Variants in SLC6A4 observed in about 807,000 individuals in gnomAD.
SLC6A4 encodes the protein solute carrier family 6 member 4.
In SLC6A4, 22 loss-of-function variants were observed where a neutral mutation model predicts 73.4. The observed-to-expected ratio is 0.30, with a 90% CI of 0.21 to 0.43. SLC6A4 has a LOEUF of 0.43. Among genes scored for constraint, SLC6A4 ranks in the 20% least tolerant of loss-of-function variants. The pLI is 1.00. For missense variants in SLC6A4, 593 were observed against 808.5 expected (o/e 0.73, Z 3.23); for synonymous variants, 270 against 315.5 (o/e 0.86, Z 1.53).
intron 12 of SLC6A4, 57 bp from the exon 13 acceptor site, chr17:30,207,889 G>A: frequency 1.6e-6 from 2 of 1,263,468 alleles, no homozygotes; most frequent in East Asian, 2.4e-5. Flanking sequence ...GGGCTGTGCT[G>A]CTGTGCCCTG....
At chr17:30,230,748 G>C (rs1907087375) in intron 1 of SLC6A4, among the ~76,000 whole-genome samples, 1 of 152,178 alleles carries the variant, frequency 6.6e-6, no homozygotes, top group Non-Finnish European at 1.5e-5. Context: ...GTGAGGTCAG[G>C]TGAGGTGAGG....
At chr17:30,209,287 AC>A in intron 11 of SLC6A4, 45 bp from the exon 12 acceptor site, 1 of 1,182,030 alleles carries the variant, frequency 8.5e-7, no homozygotes. Context: ...CCAAGGAGCC[AC>A]CCCTCCCAAC....
chr17:30,211,837 T>A lies in SLC6A4; in HGVS notation c.1205-413A>T, dbSNP rs549435507. ...TCTTCAGCTTCAGAACAGTAGGAAA[T>A]GTTAAATTGATTTCCGTAGAGTCAC... On this transcript the variant is annotated intron_variant, in intron 9 of 14. Coordinates refer to ENST00000650711, the MANE Select transcript of SLC6A4 (RefSeq NM_001045.6). This position sits in a 1 kb window ranked among gnomAD's most constrained non-coding sequence, Gnocchi z 4.0. Among the ~76,000 whole-genome samples the A allele has an allele frequency of 6.6e-6, 1 of 152,172 alleles. No individual in the cohort carries two copies. Among genetic ancestry groups the A allele is most frequent in the Non-Finnish European group, 1.5e-5 (1 of 68,026 alleles).
intron 7 of SLC6A4, 54 bp downstream of exon 7, chr17:30,216,027 CA>C: frequency 6.5e-7 from 1 of 1,536,190 alleles, no homozygotes; most frequent in Non-Finnish European, 8.9e-7. Flanking sequence ...GGAGGAGGAC[CA>C]GCTTCGTTTA....
At chr17:30,218,021 G>T in intron 5 of SLC6A4, 97 bp downstream of exon 5, 1 of 890,514 alleles carries the variant, frequency 1.1e-6, no homozygotes, top group Non-Finnish European at 1.8e-6. Flanking sequence ...TCAGAAAGGG[G>T]TGAGGAGCCC....
chr17:30,217,283 G>C lies in SLC6A4; in HGVS notation c.720C>G (p.His240Gln). The C allele has an allele frequency of 6.2e-7, 1 of 1,614,080 alleles. No homozygotes were observed. The highest frequency in any genetic ancestry group is 8.5e-7 in the Non-Finnish European group (1 of 1,179,988). ...EFYTRHVLQI[H>Q]RSKGLQDLGG... is the part of the protein sequence containing the mutation. The stretch of plus-strand genomic sequence containing the variant: ...CCAGGTCCTGGAGCCCCTTAGACCG[G>C]TGGATCTGCAGGACGTGGCGCCTGG... The change falls in exon 6 of 15, where the codon CAC becomes CAG. Residue 240 changes from histidine (H) to glutamine (Q), a missense_variant. Transcript: ENST00000650711.
intron 13 of SLC6A4, chr17:30,206,430 A>T (rs1906200863): frequency 6.6e-6 from 1 of 152,180 alleles, no homozygotes; most frequent in South Asian, 2.1e-4. Context: ...TATTGAACAC[A>T]TCTCAACACG....
chr17:30,215,023 T>TTTTC (rs779810850), intron 8 of SLC6A4, among the ~76,000 whole-genome samples: 158 of 29,430 alleles, frequency 5.4e-3, no homozygotes, highest in African/African-American at 0.012. Context: ...TTTCTTTCTT[T>TTTTC]TTTCTTTCTT....
At chr17:30,207,652 C>T in intron 13 of SLC6A4, 80 bp downstream of exon 13, 1 of 967,856 alleles carries the variant, frequency 1.0e-6, no homozygotes, top group South Asian at 1.4e-5. Flanking sequence ...CCACCGTGCC[C>T]AGCCATTACA....
Position 30,198,369 on chromosome 17 carries a change from A to C in SLC6A4, c.*87T>G, listed in dbSNP as rs1301176131. 2.6e-6 allele frequency: 2 copies of C among 755,462 alleles called. No homozygotes were observed. Among genetic ancestry groups the C allele is most frequent in the Non-Finnish European group, 4.6e-6 (2 of 435,652 alleles). 46.8% of individuals were successfully genotyped at this position (755,462 alleles called of 1,614,324 possible). A position where few individuals can be genotyped will look rare whatever the true frequency, so the allele number is the denominator to read the frequency against. On this transcript the variant is annotated 3_prime_UTR_variant, in exon 15 of 15. Coordinates refer to ENST00000650711, the MANE Select transcript of SLC6A4 (RefSeq NM_001045.6). ...CATCATCAGGCTTAGCTGGAAACTC[A>C]TTCACTTGGAGGGGAGAAGGCAGGC...
rs563307427 is a variant in SLC6A4 at position 30,225,863 on chromosome 17, C to G, written c.-220-2948G>C. ...CTAATGCACTCCATTCCCCCAATCCCTGACTCCAAGTAAAAAAGGACTGTT... is the reference window on the plus strand; with the variant it reads ...CTAATGCACTCCATTCCCCCAATCCGTGACTCCAAGTAAAAAAGGACTGTT... On this transcript the variant is annotated intron_variant, in intron 1 of 14. Coordinates refer to ENST00000650711, the MANE Select transcript of SLC6A4 (RefSeq NM_001045.6). 4.6e-5 allele frequency among the ~76,000 whole-genome samples: 7 copies of G among 152,348 alleles called. No homozygotes were observed. In the East Asian group the frequency reaches 9.6e-4, roughly 21 times the overall value.
At chr17:30,228,321 G>A (rs1167570415) in intron 1 of SLC6A4, among the ~76,000 whole-genome samples, 1 of 152,176 alleles carries the variant, frequency 6.6e-6, no homozygotes, top group Non-Finnish European at 1.5e-5. Flanking sequence ...TATGACACAT[G>A]CTTATCTCAG....
intron 8 of SLC6A4, among the ~76,000 whole-genome samples, chr17:30,214,634 C>CTTTTTTT (rs753290326): frequency 7.6e-5 from 10 of 132,336 alleles, no homozygotes; most frequent in East Asian, 2.1e-4. Context: ...TTCTTTCTTT[C>CTTTTTTT]TTTTTTTTTT....
chr17:30,219,849 T>C (rs567408685), intron 3 of SLC6A4, among the ~76,000 whole-genome samples: 1 of 152,292 alleles, frequency 6.6e-6, no homozygotes, highest in South Asian at 2.1e-4. Flanking sequence ...CTGAGGTCTG[T>C]GCAAATCAGA....
At position 30,221,998 on chromosome 17, in the gene SLC6A4, G is replaced by A; in HGVS notation, c.-40C>T. The A allele has an allele frequency of 6.2e-7, 1 of 1,613,442 alleles. No individual in the cohort carries two copies. Among genetic ancestry groups the A allele is most frequent in the Non-Finnish European group, 8.5e-7 (1 of 1,179,882 alleles). ...AATGACACTGATGTCCATCTGCCAA[G>A]GATCCCAATTGATCTCTGGGTGCTT... On this transcript the variant is annotated 5_prime_UTR_variant, in exon 3 of 15. Coordinates refer to ENST00000650711, the MANE Select transcript of SLC6A4 (RefSeq NM_001045.6).
chr17:30,205,392 C>A (rs1906161065), intron 13 of SLC6A4, among the ~76,000 whole-genome samples: 1 of 152,142 alleles, frequency 6.6e-6, no homozygotes, highest in Non-Finnish European at 1.5e-5. Flanking sequence ...AATGACTCTT[C>A]TTCCTTTGAA....
chr17:30,217,177 T>C lies in SLC6A4; in HGVS notation c.826A>G (p.Thr276Ala), dbSNP rs1261466208. 1 of 1,613,626 alleles carries C rather than the reference T, an allele frequency of 6.2e-7. No homozygotes were observed. The highest frequency in any genetic ancestry group is 1.1e-5 in the South Asian group (1 of 91,026). The stretch of plus-strand genomic sequence containing the variant: ...AGAGCCTTCCTCACCTTGCCAGAGG[T>C]CTTGACGCCTTTCCAGATGCTGAAG... ...IYFSIWKGVKTSGKVVWVTAT... is the reference protein window; with the variant it reads ...IYFSIWKGVKASGKVVWVTAT... The change falls in exon 6 of 15, where the codon ACC becomes GCC. Residue 276 changes from threonine (T) to alanine (A), a missense_variant. Coordinates refer to ENST00000650711, the MANE Select transcript of SLC6A4 (RefSeq NM_001045.6).
At chr17:30,199,942 A>G (rs970319370) in intron 14 of SLC6A4, among the ~76,000 whole-genome samples, 14 of 150,660 alleles carry the variant, frequency 9.3e-5, no homozygotes, top group Non-Finnish European at 1.8e-4. Context: ...TCTGTTGCCC[A>G]GGCTGGAGTG....
chr17:30,203,403 C>T, intron 13 of SLC6A4, 64 bp from the exon 14 acceptor site: 1 of 1,341,332 alleles, frequency 7.5e-7, no homozygotes, highest in Non-Finnish European at 1.1e-6. Context: ...AGAGATGTTT[C>T]CGATACCACA....
Sources: allele counts gnomAD v4.1 joint callset (sites outside exome capture counted in the v4.1 genomes callset), GRCh38; gene constraint gnomAD v4.1.1; non-coding constraint Gnocchi (gnomAD v3.1); transcripts MANE v1.5; gene names NCBI Gene and HGNC (gene_info 2026-07-23, HGNC 2026-07-21).